Variants in SLCO5A1 observed in about 807,000 individuals in gnomAD.
SLCO5A1 encodes solute carrier organic anion transporter family member 5A1.
Under a neutral mutation model 65.1 loss-of-function variants are expected in SLCO5A1, and 39 were observed. The observed-to-expected ratio is 0.60, with a 90% CI of 0.46 to 0.78. The LOEUF (loss-of-function observed/expected upper bound fraction) is 0.78, where lower values mean the gene tolerates loss of function less well. SLCO5A1 is among the 30% of genes least tolerant of loss of function. The probability of loss-of-function intolerance (pLI) is 0.00; values close to 1 mark genes in which losing one functional copy is unlikely to be tolerated. For missense variants in SLCO5A1, 1,029 were observed against 1,069.4 expected (o/e 0.96, Z 0.53); for synonymous variants, 438 against 415.7 (o/e 1.05, Z -0.65).
Position 69,832,745 on chromosome 8 carries a change from G to T in SLCO5A1, c.-72C>A. On this transcript the variant is annotated 5_prime_UTR_variant, in exon 2 of 10. Coordinates refer to ENST00000260126, the MANE Select transcript of SLCO5A1 (RefSeq NM_030958.3). The surrounding 1 kb of genome is among the most constrained non-coding windows in gnomAD (Gnocchi z 4.5). ...GGCACGTTTCATCCACCGGCACGAG[G>T]GGCCGAAGCCGGGCCCAGTCAGTCT... is the stretch of plus-strand genomic sequence containing the variant. 6.7e-7 allele frequency: 1 copy of T among 1,503,362 alleles called. No homozygotes were observed. Among genetic ancestry groups the T allele is most frequent in the South Asian group, 1.3e-5 (1 of 77,080 alleles). The allele number at this position is 1,503,362 out of a possible 1,614,324, so 93.1% of individuals were successfully genotyped here.
At chr8:69,825,564 A>T (rs1820845547) in intron 2 of SLCO5A1, among the ~76,000 whole-genome samples, 1 of 152,206 alleles carries the variant, frequency 6.6e-6, no homozygotes, top group South Asian at 2.1e-4. Flanking sequence ...TAGGAATCCA[A>T]CTTACAAGGG....
chr8:69,787,485 T>C (rs1382263637), intron 2 of SLCO5A1, among the ~76,000 whole-genome samples: 1 of 152,214 alleles, frequency 6.6e-6, no homozygotes, highest in Non-Finnish European at 1.5e-5. Context: ...GCCTAAACCC[T>C]TAAAGCTGGA....
chr8:69,709,378 A>T (rs13282869), intron 5 of SLCO5A1, among the ~76,000 whole-genome samples: 1 of 152,110 alleles, frequency 6.6e-6, no homozygotes, highest in Admixed American at 6.5e-5. Flanking sequence ...AATAGCACAG[A>T]TAATCAACTT....
intron 2 of SLCO5A1, among the ~76,000 whole-genome samples, chr8:69,807,413 A>G (rs1222469004): frequency 6.6e-6 from 1 of 152,218 alleles, no homozygotes; most frequent in African/African-American, 2.4e-5. Context: ...ATTATTAACT[A>G]CAGTCATCGA....
intron 2 of SLCO5A1, among the ~76,000 whole-genome samples, chr8:69,768,810 G>T (rs1022746354): frequency 6.6e-6 from 1 of 152,098 alleles, no homozygotes; most frequent in African/African-American, 2.4e-5. Flanking sequence ...ATCCTTGGGG[G>T]ACACAATTCA....
At chr8:69,772,141 C>A (rs530394204) in intron 2 of SLCO5A1, among the ~76,000 whole-genome samples, 5 of 152,192 alleles carry the variant, frequency 3.3e-5, no homozygotes, top group Non-Finnish European at 5.9e-5. Flanking sequence ...TCTCAAACAG[C>A]GTTGTTCCAT....
At position 69,668,156 on chromosome 8, in the gene SLCO5A1, T is replaced by C. The variant is rs1394750665; in HGVS notation, c.*4713A>G. ...TAGAGCTGAGTAAAACTGAAGTCTT[T>C]AAAATAAAACCTCCTCAAACATACA... On this transcript the variant is annotated 3_prime_UTR_variant, in exon 10 of 10. Transcript: ENST00000260126. 1 of 152,152 alleles carries C rather than the reference T, an allele frequency of 6.6e-6. No homozygotes were observed. Among genetic ancestry groups the C allele is most frequent in the Non-Finnish European group, 1.5e-5 (1 of 68,038 alleles). The allele number at this position is 152,152 out of a possible 1,614,324, so 9.4% of individuals were successfully genotyped here. A position where few individuals can be genotyped will look rare whatever the true frequency, so the allele number is the denominator to read the frequency against.
chr8:69,755,000 C>T (rs1431048822), intron 4 of SLCO5A1, among the ~76,000 whole-genome samples: 1 of 152,088 alleles, frequency 6.6e-6, no homozygotes, highest in African/African-American at 2.4e-5. Context: ...GCACAATGCA[C>T]TTGATTTTTA....
chr8:69,794,391 A>G, intron 2 of SLCO5A1: 1 of 434,646 alleles, frequency 2.3e-6, no homozygotes, highest in Non-Finnish European at 4.5e-6. Flanking sequence ...AAAGATGGTG[A>G]ATTTAGACAC....
intron 7 of SLCO5A1, among the ~76,000 whole-genome samples, chr8:69,680,820 A>G (rs954057457): frequency 2.6e-5 from 4 of 152,188 alleles, no homozygotes. Context: ...AACCAGCTCC[A>G]TGGATGTAAC....
In SLCO5A1 at chr8:69,772,278, T is replaced by C. The variant is rs548330919; in HGVS notation, c.908-10403A>G. On this transcript the variant is annotated intron_variant, in intron 2 of 9. Coordinates refer to ENST00000260126, the MANE Select transcript of SLCO5A1 (RefSeq NM_030958.3). ...ATTCTGGCATATAATCCCAGCACTC[T>C]GGGAGGTCAAGGCAGGAGGATCATT... Among the ~76,000 whole-genome samples the C allele has an allele frequency of 2.6e-5, 4 of 152,168 alleles. No individual in the cohort carries two copies. In the East Asian group the frequency reaches 7.8e-4, roughly 30 times the overall value.
At chr8:69,822,320 G>C (rs1365330839) in intron 2 of SLCO5A1, among the ~76,000 whole-genome samples, 1 of 151,936 alleles carries the variant, frequency 6.6e-6, no homozygotes, top group African/African-American at 2.4e-5. Context: ...CTTATACTAG[G>C]TGCAAATATG....
chr8:69,729,740 T>C (rs921875946), intron 5 of SLCO5A1, among the ~76,000 whole-genome samples: 1 of 152,196 alleles, frequency 6.6e-6, no homozygotes, highest in Non-Finnish European at 1.5e-5. Flanking sequence ...CGTAATATGC[T>C]GCAAGCATGG....
At chr8:69,812,424 T>G (rs1035043330) in intron 2 of SLCO5A1, among the ~76,000 whole-genome samples, 1 of 152,242 alleles carries the variant, frequency 6.6e-6, no homozygotes. Context: ...TTGTGTCAAA[T>G]TGCACATTAG....
intron 5 of SLCO5A1, among the ~76,000 whole-genome samples, chr8:69,723,293 C>T (rs1194365289): frequency 5.3e-5 from 8 of 151,952 alleles, no homozygotes; most frequent in South Asian, 2.1e-4. Context: ...ACTCTGTCAC[C>T]GAGGCTGGAG....
intron 6 of SLCO5A1, among the ~76,000 whole-genome samples, chr8:69,691,184 A>G (rs899668200): frequency 7.9e-5 from 12 of 152,182 alleles, no homozygotes; most frequent in African/African-American, 2.9e-4. Context: ...AGAGGAAGCA[A>G]AACACATTTC....
intron 2 of SLCO5A1, among the ~76,000 whole-genome samples, chr8:69,808,173 T>G (rs892576947): frequency 1.3e-5 from 2 of 152,062 alleles, no homozygotes; most frequent in African/African-American, 4.8e-5. Flanking sequence ...CTTTTTTTTT[T>G]TTTTACTTTT....
chr8:69,701,065 G>C (rs887128337), intron 6 of SLCO5A1, among the ~76,000 whole-genome samples: 1 of 152,062 alleles, frequency 6.6e-6, no homozygotes, highest in Non-Finnish European at 1.5e-5. Flanking sequence ...TGAGAGTAGG[G>C]GGACTGTGGG....
rs960432607 is a variant in SLCO5A1 at position 69,831,892 on chromosome 8, C to G, written c.782G>C (p.Trp261Ser). 3.7e-6 allele frequency: 6 copies of G among 1,610,646 alleles called. No individual in the cohort carries two copies. The highest frequency in any genetic ancestry group is 5.1e-6 in the Non-Finnish European group (6 of 1,179,128). The stretch of plus-strand genomic sequence containing the variant: ...GCAAATGAATAAAGCCACGTAGACC[C>G]AGTGATTATTTCCTCCCGAGTCCTT... ...CPKDSGGNNH[W>S]VYVALFICAQ... The change falls in exon 2 of 10, where the codon TGG becomes TCG. Residue 261 changes from tryptophan to serine, a missense_variant. Transcript: ENST00000260126.
Sources: gnomAD v4.1 joint callset for allele counts (sites outside exome capture counted in the v4.1 genomes callset) on GRCh38, gnomAD v4.1.1 for gene constraint, Gnocchi (gnomAD v3.1) non-coding constraint, MANE v1.5 for transcripts, NCBI Gene and HGNC (gene_info 2026-07-23, HGNC 2026-07-21) for gene names.